Variants in AGBL4 observed in about 807,000 individuals in gnomAD.
AGBL4 encodes AGBL carboxypeptidase 4.
AGBL4 carries 58 observed loss-of-function variants against 66.4 expected under a neutral mutation model. The observed-to-expected ratio is 0.87, with a 90% CI of 0.71 to 1.09. The LOEUF (loss-of-function observed/expected upper bound fraction) is 1.09. Among genes scored for constraint, AGBL4 ranks in the 50% least tolerant of loss-of-function variants. The pLI is 0.00. For synonymous variants in AGBL4, 234 were observed against 222.9 expected (o/e 1.05, Z -0.44); for missense variants, 579 against 631.0 (o/e 0.92, Z 0.88).
intron 3 of AGBL4, among the ~76,000 whole-genome samples, chr1:49,433,926 CCTTCAGAAA>C (rs1167235151): frequency 2.6e-5 from 4 of 152,146 alleles, no homozygotes; most frequent in Non-Finnish European, 5.9e-5. Flanking sequence ...TTGCCACTGT[CCTTCAGAAA>C]CTTATAATCC....
intron 3 of AGBL4, among the ~76,000 whole-genome samples, chr1:49,373,897 T>C (rs781747995): frequency 2.6e-5 from 4 of 152,156 alleles, no homozygotes; most frequent in Admixed American, 6.6e-5. Flanking sequence ...GTATATGGTA[T>C]TGGGTCAAAG....
At position 49,746,460 on chromosome 1, in the gene AGBL4, T is replaced by C. The variant is rs183324344; in HGVS notation, c.158-49023A>G. On this transcript the variant is annotated intron_variant, in intron 2 of 13. Transcript: ENST00000371839. ...TGTCTGGTGCCAAAAACTACACTTA[T>C]TGTAGATCTGAACAACATAGTATCC... 1.1e-3 allele frequency among the ~76,000 whole-genome samples: 173 copies of C among 151,856 alleles called. 1 individual carries two copies. Among genetic ancestry groups the C allele is most frequent in the African/African-American group, 4.1e-3 (168 of 41,430 alleles).
At chr1:49,169,982 G>C (rs1054370406) in intron 4 of AGBL4, among the ~76,000 whole-genome samples, 1 of 151,966 alleles carries the variant, frequency 6.6e-6, no homozygotes, top group Non-Finnish European at 1.5e-5. Flanking sequence ...AGACTCAGAA[G>C]GGGGAAGAGC....
chr1:49,192,755 T>C, intron 4 of AGBL4, among the ~76,000 whole-genome samples: 1 of 152,242 alleles, frequency 6.6e-6, no homozygotes, highest in Non-Finnish European at 1.5e-5. Flanking sequence ...AGACACCTTC[T>C]TTCACTACTT....
intron 9 of AGBL4, among the ~76,000 whole-genome samples, chr1:48,628,945 T>C (rs1645549068): frequency 8.3e-6 from 1 of 119,836 alleles, no homozygotes; most frequent in Admixed American, 8.5e-5. Flanking sequence ...TCTGGCCTTC[T>C]CATCAGATTG....
At chr1:49,602,877 G>A (rs192834792) in intron 3 of AGBL4, among the ~76,000 whole-genome samples, 22 of 151,624 alleles carry the variant, frequency 1.5e-4, no homozygotes, top group Admixed American at 1.2e-3. Context: ...AAATCTAGAT[G>A]AAGGCAAAAG....
intron 11 of AGBL4, among the ~76,000 whole-genome samples, chr1:48,568,703 C>T (rs1644513850): frequency 6.6e-6 from 1 of 152,218 alleles, no homozygotes. Flanking sequence ...TGTCATGTCT[C>T]TGGGCATTGG....
At chr1:49,523,769 G>A (rs148060286) in intron 3 of AGBL4, among the ~76,000 whole-genome samples, 5 of 152,134 alleles carry the variant, frequency 3.3e-5, no homozygotes, top group East Asian at 1.9e-4. Context: ...ACAGTGTTAC[G>A]CACTGAATGC....
chr1:49,205,091 A>G (rs756926175), intron 4 of AGBL4, among the ~76,000 whole-genome samples: 6 of 152,084 alleles, frequency 3.9e-5, no homozygotes, highest in Non-Finnish European at 7.4e-5. Context: ...GCTATAAACC[A>G]TAGTCTAGAC....
chr1:49,741,550 T>C (rs1444430340), intron 2 of AGBL4, among the ~76,000 whole-genome samples: 1 of 152,178 alleles, frequency 6.6e-6, no homozygotes, highest in Admixed American at 6.5e-5. Flanking sequence ...ACTCATATGA[T>C]GAGGCCAGCA....
chr1:49,189,646 C>T (rs1439233694), intron 4 of AGBL4, among the ~76,000 whole-genome samples: 2 of 152,186 alleles, frequency 1.3e-5, no homozygotes, highest in Middle Eastern at 3.2e-3. Context: ...GAGAAAAATA[C>T]ATCCTAGTTT....
chr1:48,574,130 G>A (rs992883865), intron 11 of AGBL4, among the ~76,000 whole-genome samples: 3 of 152,234 alleles, frequency 2.0e-5, no homozygotes, highest in Non-Finnish European at 4.4e-5. Context: ...TTCAAAGAAA[G>A]TGTCTTTTAG....
At chr1:49,521,474 T>A (rs1036105144) in intron 3 of AGBL4, among the ~76,000 whole-genome samples, 3 of 151,770 alleles carry the variant, frequency 2.0e-5, no homozygotes, top group African/African-American at 7.3e-5. Flanking sequence ...TAGAACAGAA[T>A]AGAGAACCTA....
intron 4 of AGBL4, among the ~76,000 whole-genome samples, chr1:49,231,550 G>A (rs1033591595): frequency 6.6e-6 from 1 of 152,170 alleles, no homozygotes; most frequent in Non-Finnish European, 1.5e-5. Context: ...TCTTTCTTTG[G>A]GAGATGCAGA....
At chr1:49,372,609 TTCTTTCTTTCTTTC>T (rs1454459998) in intron 3 of AGBL4, among the ~76,000 whole-genome samples, 4 of 7,642 alleles carry the variant, frequency 5.2e-4, no homozygotes, top group East Asian at 3.6e-3. Flanking sequence ...CTTTTTCTTT[TTCTTTCTTTCTTTC>T]TTTCTTTCTT....
chr1:49,356,174 G>T (rs191405388), intron 3 of AGBL4, among the ~76,000 whole-genome samples: 1 of 152,274 alleles, frequency 6.6e-6, no homozygotes, highest in Admixed American at 6.5e-5. Context: ...ATCCTGGGGG[G>T]ATCAGAAGAA....
At chr1:49,811,280 T>C (rs1645096797) in intron 2 of AGBL4, among the ~76,000 whole-genome samples, 1 of 152,192 alleles carries the variant, frequency 6.6e-6, no homozygotes, top group Non-Finnish European at 1.5e-5. Flanking sequence ...TTGCAGGTCA[T>C]GAGGATTCCA....
At chr1:49,064,160 T>C (rs527597512) in intron 4 of AGBL4, among the ~76,000 whole-genome samples, 4 of 152,280 alleles carry the variant, frequency 2.6e-5, no homozygotes, top group Non-Finnish European at 5.9e-5. Context: ...AGTTGGTAGC[T>C]GTCAGTATTG....
chr1:48,763,003 A>G (rs962512488), intron 6 of AGBL4, among the ~76,000 whole-genome samples: 1 of 152,162 alleles, frequency 6.6e-6, no homozygotes, highest in Non-Finnish European at 1.5e-5. Context: ...CCTGCTACAC[A>G]CTGAACATTC....
Sources: gnomAD v4.1 joint callset for allele counts (sites outside exome capture counted in the v4.1 genomes callset) on GRCh38, gnomAD v4.1.1 for gene constraint, MANE v1.5 for transcripts, NCBI Gene and HGNC (gene_info 2026-07-23, HGNC 2026-07-21) for gene names.